The following COL17A1 variants were observed in gnomAD, a reference collection of about 807,000 sequenced individuals.
The protein encoded by COL17A1 is collagen alpha-1(XVII) chain.
In COL17A1, 181 loss-of-function variants were observed where a neutral mutation model predicts 218.4. The observed-to-expected ratio is 0.83, with a 90% CI of 0.73 to 0.94. The LOEUF (loss-of-function observed/expected upper bound fraction) is 0.94. Ranked by LOEUF, COL17A1 falls within the 40% of genes least tolerant of loss-of-function variation. The probability of loss-of-function intolerance (pLI) is 0.00; values close to 1 mark genes in which losing one functional copy is unlikely to be tolerated. For missense variants in COL17A1, 1,924 were observed against 1,945.9 expected, an observed-to-expected ratio of 0.99 and a Z score of 0.21; for synonymous variants, 721 against 731.0, an observed-to-expected ratio of 0.99 and a Z score of 0.22.
intron 35 of COL17A1, 76 bp from the exon 36 acceptor site, chr10:104,042,531 C>T (rs997820459): frequency 1.4e-5 from 20 of 1,469,340 alleles, no homozygotes; most frequent in Non-Finnish European, 1.8e-5. Flanking sequence ...CATAATTCCT[C>T]CCAAGGCATG....
intron 51 of COL17A1, 31 bp downstream of exon 51, chr10:104,034,590 C>T (rs2086255696): frequency 1.9e-6 from 3 of 1,604,192 alleles, no homozygotes; most frequent in Admixed American, 3.4e-5. Context: ...CTGCGGGGTG[C>T]CTGGTGGGGC....
In COL17A1 at chr10:104,041,496, C is replaced by T. The variant is rs371529583; in HGVS notation, c.2594G>A (p.Arg865His). The T allele has an allele frequency of 1.3e-5, 21 of 1,604,874 alleles. No individual in the cohort carries two copies. The highest frequency in any genetic ancestry group is 1.2e-4 in the Admixed American group (7 of 59,194). The part of the protein sequence containing the change: ...LQGPPGPPGP[R>H]GPPGPSIPGP... ...TCCAAGATACTCACCTGGTGGCCCG[C>T]GTGGGCCGGGTGGGCCTGGGGGACC... Residue 865 changes from arginine (R) to histidine (H), a missense_variant, in exon 37 of 56, where the codon CGC (arginine) becomes CAC (histidine). Transcript: ENST00000648076.
chr10:104,060,201 A>T lies in COL17A1; in HGVS notation c.1059T>A (p.Pro353=), dbSNP rs764889379. 1.2e-6 allele frequency: 2 copies of T among 1,614,122 alleles called. No individual in the cohort carries two copies. Among genetic ancestry groups the T allele is most frequent in the Admixed American group, 3.3e-5 (2 of 60,010 alleles). ...KFLILEKDNT[P]AKKEMELLIM... ...TGAGCAGCTCCATCTCCTTCTTGGC[A>T]GGTGTGTTGTCTTTCTCTAGGATCA... Residue 353 remains proline, a synonymous_variant, in exon 14 of 56, where the codon CCT becomes CCA. Transcript: ENST00000648076.
At chr10:104,065,384 A>G (rs547579529) in intron 9 of COL17A1, among the ~76,000 whole-genome samples, 38 of 152,260 alleles carry the variant, frequency 2.5e-4, no homozygotes, top group African/African-American at 8.9e-4. Context: ...CTGCTAATTT[A>G]TATTTCTGCC....
At chr10:104,071,972 A>C in intron 8 of COL17A1, 60 bp downstream of exon 8, 1 of 1,612,812 alleles carries the variant, frequency 6.2e-7, no homozygotes, top group South Asian at 1.1e-5. Flanking sequence ...ACACACACAC[A>C]CACAGCACTA....
At chr10:104,082,217 C>T (rs765053958) in intron 1 of COL17A1, among the ~76,000 whole-genome samples, 8 of 152,190 alleles carry the variant, frequency 5.3e-5, no homozygotes, top group Admixed American at 5.2e-4. Context: ...AGGTATGTTT[C>T]CTGGAGCCCA....
At chr10:104,038,384 C>T (rs776524141) in intron 45 of COL17A1, 22 bp downstream of exon 45, 12 of 1,613,388 alleles carry the variant, frequency 7.4e-6, no homozygotes, top group Middle Eastern at 1.6e-4. Flanking sequence ...GTCCCCACGG[C>T]TTGCGGCGGC....
rs116337881 is a variant in COL17A1, at chr10:104,061,261, C to T, written c.979+144G>A. The T allele has an allele frequency of 1.9e-3, 1,386 of 736,710 alleles. 14 individuals carry two copies. In the African/African-American group the frequency reaches 0.023, roughly 12 times the overall value. The allele number at this position is 736,710 out of a possible 1,614,324, so 45.6% of individuals were successfully genotyped here. A position where few individuals can be genotyped will look rare whatever the true frequency, so the allele number is the denominator to read the frequency against. ...TCCAAGAGGCCTTTGGGGCAAGTTG[C>T]GTTTGCAGGCCTAAGACCACTCATG... On this transcript the variant is annotated intron_variant, in intron 13 of 55. Coordinates refer to ENST00000648076, the MANE Select transcript of COL17A1 (RefSeq NM_000494.4).
intron 30 of COL17A1, 94 bp from the exon 31 acceptor site, chr10:104,047,904 A>T: frequency 2.1e-6 from 3 of 1,410,860 alleles, no homozygotes; most frequent in South Asian, 2.3e-5. Flanking sequence ...GGTTTTCCTA[A>T]TTGACTTGCT....
At chr10:104,077,307 C>T in intron 4 of COL17A1, 115 bp downstream of exon 4, 2 of 787,322 alleles carry the variant, frequency 2.5e-6, no homozygotes, top group Non-Finnish European at 4.4e-6. Flanking sequence ...TGTAATTGTC[C>T]CTTTTGTGCA....
chr10:104,044,885 C>T (rs1408157743), intron 33 of COL17A1, among the ~76,000 whole-genome samples: 1 of 152,070 alleles, frequency 6.6e-6, no homozygotes, highest in Non-Finnish European at 1.5e-5. Context: ...CTGCCTGGGA[C>T]CTATAAACTC....
chr10:104,039,425 C>T lies in COL17A1; in HGVS notation c.2896+20G>A, dbSNP rs755114576. 7 of 1,613,132 alleles carry T rather than the reference C, an allele frequency of 4.3e-6. No homozygotes were observed. The Admixed American group carries it at 6.7e-5, about 15-fold the overall frequency. Reference sequence around the variant, plus strand: ...GCTCACCCCTACTCCTCACCACCTTCTCACTGCTCCCTCACTGACCTTTGT... The same window carrying T: ...GCTCACCCCTACTCCTCACCACCTTTTCACTGCTCCCTCACTGACCTTTGT... On this transcript the variant is annotated intron_variant, in intron 43 of 55. Transcript: ENST00000648076.
chr10:104,058,278 C>A (rs907057840), intron 15 of COL17A1, 88 bp from the exon 16 acceptor site: 19 of 1,568,400 alleles, frequency 1.2e-5, no homozygotes, highest in Admixed American at 1.7e-5. Flanking sequence ...TATTCCTTTA[C>A]TTTCTTAATA....
intron 28 of COL17A1, among the ~76,000 whole-genome samples, chr10:104,049,714 C>A (rs918046187): frequency 1.3e-5 from 2 of 152,210 alleles, no homozygotes; most frequent in Non-Finnish European, 2.9e-5. Context: ...TGAGTCACAG[C>A]TTTATCACTG....
Position 104,032,945 on chromosome 10 carries a change from G to T in COL17A1, c.4318C>A (p.Pro1440Thr), listed in dbSNP as rs1432458736. ...GTGCCCATCTCTCCTTTTTGCCCAGGGGGTCCTTGAATGGCTCCATAAGCT... is the reference window on the plus strand; with the variant it reads ...GTGCCCATCTCTCCTTTTTGCCCAGTGGGTCCTTGAATGGCTCCATAAGCT... Reference protein sequence around the residue: ...FQTYGAIQGPPGQKGEMGTPG... With the variant: ...FQTYGAIQGPTGQKGEMGTPG... The change falls in exon 54 of 56, where the codon CCT (proline) becomes ACT (threonine). Residue 1440 changes from proline (P) to threonine (T), a missense_variant. Physicochemically the swap from Pro to Thr is conservative, Grantham distance 38. Coordinates refer to ENST00000648076, the MANE Select transcript of COL17A1 (RefSeq NM_000494.4). 1 of 1,614,058 alleles carries T rather than the reference G, an allele frequency of 6.2e-7. No individual in the cohort carries two copies. Among genetic ancestry groups the T allele is most frequent in the South Asian group, 1.1e-5 (1 of 91,042 alleles).
rs537631527 is a variant in COL17A1, at chr10:104,058,142, C to T, written c.1267+4G>A. The stretch of plus-strand genomic sequence containing the variant: ...TCACTGCAGGGTTCGCGGTTCTCAC[C>T]CACCTGCAGTGGTGGTCTTGCCCTT... On this transcript the variant is annotated splice_donor_region_variant and intron_variant, in intron 16 of 55. Coordinates refer to ENST00000648076, the MANE Select transcript of COL17A1 (RefSeq NM_000494.4). The T allele has an allele frequency of 6.8e-6, 11 of 1,614,092 alleles. No homozygotes were observed. In the Admixed American group the frequency reaches 1.7e-4, roughly 24 times the overall value.
At position 104,039,608 on chromosome 10, in the gene COL17A1, C is replaced by A; in HGVS notation, c.2821G>T (p.Gly941Trp). ...EQGLPGFSTS[G>W]SSSFGLNLQG... ...GAATGGGGCGGGGTTCAGCCCTTAC[C>A]TGAGGTTGAGAAACCTGGGAGGCCT... The change falls in exon 42 of 56, where the codon GGG (glycine) becomes TGG (tryptophan). Residue 941 changes from glycine (G) to tryptophan (W), a missense_variant and splice_region_variant. Physicochemically the swap from Gly to Trp is radical, Grantham distance 184 (BLOSUM62 -2). Coordinates refer to ENST00000648076, the MANE Select transcript of COL17A1 (RefSeq NM_000494.4). 6.2e-7 allele frequency: 1 copy of A among 1,614,186 alleles called. No individual in the cohort carries two copies. Among genetic ancestry groups the A allele is most frequent in the Non-Finnish European group, 8.5e-7 (1 of 1,180,032 alleles).
intron 39 of COL17A1, 80 bp from the exon 40 acceptor site, chr10:104,040,490 A>C: frequency 1.1e-6 from 1 of 895,844 alleles, no homozygotes; most frequent in Non-Finnish European, 1.9e-6. Flanking sequence ...CTGACAACAT[A>C]GATGCTCAAT....
intron 55 of COL17A1, 53 bp downstream of exon 55, chr10:104,032,621 G>C: frequency 6.5e-7 from 1 of 1,548,042 alleles, no homozygotes; most frequent in East Asian, 2.2e-5. Flanking sequence ...TCTAATGAGC[G>C]TCAGCCTTGC....
Sources: gnomAD v4.1 joint callset for allele counts (sites outside exome capture counted in the v4.1 genomes callset) on GRCh38, gnomAD v4.1.1 for gene constraint, MANE v1.5 for transcripts, NCBI Gene and HGNC (gene_info 2026-07-23, HGNC 2026-07-21) for gene names.